Variants in C22orf42 observed in about 807,000 individuals in gnomAD.
C22orf42 encodes uncharacterized protein C22orf42.
A neutral mutation model predicts 31.4 loss-of-function variants in C22orf42; 24 were observed. The ratio of observed to expected loss-of-function variants is 0.77; its 90% CI spans 0.55 to 1.08. C22orf42 has a LOEUF of 1.08. Ranked by LOEUF, C22orf42 falls within the 50% of genes least tolerant of loss-of-function variation. The pLI is 0.00. For missense variants in C22orf42, 276 were observed against 327.3 expected (o/e 0.84, Z 1.21); for synonymous variants, 96 against 112.7 (o/e 0.85, Z 0.94).
intron 4 of C22orf42, 69 bp downstream of exon 4, chr22:32,151,998 G>A (rs985423419): frequency 2.1e-5 from 30 of 1,407,604 alleles, no homozygotes; most frequent in Non-Finnish European, 2.7e-5. Context: ...AATCACTTAC[G>A]TTAAATGAGT....
At chr22:32,150,056 G>A in intron 7 of C22orf42, 1 of 548,032 alleles carries the variant, frequency 1.8e-6, no homozygotes, top group Admixed American at 3.1e-5. Flanking sequence ...GTTTGTAAGT[G>A]ATGCGCTCAT....
At position 32,149,110 on chromosome 22, in the gene C22orf42, T is replaced by C. The variant is rs79257145; in HGVS notation, c.*430A>G. On this transcript the variant is annotated 3_prime_UTR_variant, in exon 9 of 9. Transcript: ENST00000382097. ...ACAGTTTGGTAAGAATTACATGAGA[T>C]AAAATATGTAACTAGCACAGTACTA... 0.047 allele frequency: 7,131 copies of C among 152,512 alleles called. 226 individuals carry two copies. The highest frequency in any genetic ancestry group is 0.071 in the Non-Finnish European group (4,853 of 68,172). The allele number at this position is 152,512 out of a possible 1,614,324, so 9.4% of individuals were successfully genotyped here. A position where few individuals can be genotyped will look rare whatever the true frequency, so the allele number is the denominator to read the frequency against.
Position 32,152,202 on chromosome 22 carries a change from C to T in C22orf42, c.373-108G>A, listed in dbSNP as rs1324410772. The T allele has an allele frequency of 5.2e-6, 7 of 1,355,792 alleles. No individual in the cohort carries two copies. The South Asian group carries it at 9.1e-5, about 18-fold the overall frequency. The allele number at this position is 1,355,792 out of a possible 1,614,324, so 84.0% of individuals were successfully genotyped here. A position where few individuals can be genotyped will look rare whatever the true frequency, so the allele number is the denominator to read the frequency against. ...GTGAAATAAAAAACCGGATGTGAAA[C>T]AGTGATCAAGTCACTGGCCCCCAAA... is the stretch of plus-strand genomic sequence containing the variant. On this transcript the variant is annotated intron_variant, in intron 3 of 8. Coordinates refer to ENST00000382097, the MANE Select transcript of C22orf42 (RefSeq NM_001010859.3).
At position 32,149,752 on chromosome 22, in the gene C22orf42, CA is replaced by C; in HGVS notation, c.682del (p.Cys228AlafsTer19). 1 of 1,431,408 alleles carries C rather than the reference CA, an allele frequency of 7.0e-7. No homozygotes were observed. The highest frequency in any genetic ancestry group is 9.3e-7 in the Non-Finnish European group (1 of 1,079,074). 88.7% of individuals were successfully genotyped at this position (1,431,408 alleles called of 1,614,324 possible). The part of the protein sequence containing the change: ...MAKERYEDYL[C>X]WVKMARSRLN... ...ATATATCTAGATATATATATACTTA[CA>C]GAGGTAATCTTCATATCTCTCCTTT... On this transcript the variant is annotated frameshift_variant and splice_region_variant, in exon 8 of 9. Coordinates refer to ENST00000382097, the MANE Select transcript of C22orf42 (RefSeq NM_001010859.3). LOFTEE classifies it high-confidence loss of function.
chr22:32,152,376 GCCGTCCTTTGA>G lies in C22orf42; in HGVS notation c.372+175_372+185del, dbSNP rs537108338. Among the ~76,000 whole-genome samples, 371 of 152,310 alleles carry G rather than the reference GCCGTCCTTTGA, an allele frequency of 2.4e-3. 1 individual carries two copies. The highest frequency in any genetic ancestry group is 4.6e-3 in the Non-Finnish European group (316 of 68,024). ...CACTACCAAACAGTTTGTAAGTGAT[GCCGTCCTTTGA>G]CGGCCATCGTCAATCAGGCCTCAGT... On this transcript the variant is annotated intron_variant, in intron 3 of 8. Coordinates refer to ENST00000382097, the MANE Select transcript of C22orf42 (RefSeq NM_001010859.3).
Position 32,159,035 on chromosome 22 carries a change from T to C in C22orf42, c.181A>G (p.Met61Val). ...LDLKAKKAQL[M>V]QYLSLPKTPK... is the part of the protein sequence containing the mutation. ...GTCTTCGGGAGGCTGAGGTACTGCA[T>C]GAGTTGGGCCTTCTTAGCTTTCAAA... The change falls in exon 1 of 9, where the codon ATG becomes GTG. Residue 61 changes from methionine (M) to valine (V), a missense_variant. Coordinates refer to ENST00000382097, the MANE Select transcript of C22orf42 (RefSeq NM_001010859.3). 6.2e-7 allele frequency: 1 copy of C among 1,614,172 alleles called. No individual in the cohort carries two copies. Among genetic ancestry groups the C allele is most frequent in the Non-Finnish European group, 8.5e-7 (1 of 1,180,028 alleles).
chr22:32,149,973 G>T (rs8140700), intron 7 of C22orf42, 193 bp from the exon 8 acceptor site: 22,840 of 507,920 alleles, frequency 0.045, 666 homozygotes, highest in Middle Eastern at 0.06. Flanking sequence ...GTAAGTCCAT[G>T]TTGGCTGGCA....
At chr22:32,152,755 G>C (rs1921040518) in intron 2 of C22orf42, 129 bp from the exon 3 acceptor site, 5 of 817,444 alleles carry the variant, frequency 6.1e-6, no homozygotes, top group East Asian at 4.9e-5. Context: ...CTGAGCTGCT[G>C]CTGGACCATT....
intron 1 of C22orf42, among the ~76,000 whole-genome samples, chr22:32,158,427 C>A (rs1206818400): frequency 6.6e-6 from 1 of 152,216 alleles, no homozygotes; most frequent in Non-Finnish European, 1.5e-5. Context: ...ATACCTTTTG[C>A]AGTCATTTGA....
chr22:32,155,868 A>G (rs1031137405), intron 1 of C22orf42, among the ~76,000 whole-genome samples: 1 of 152,074 alleles, frequency 6.6e-6, no homozygotes, highest in Non-Finnish European at 1.5e-5. Context: ...CCTCTTCTTT[A>G]CAAAAAATGT....
At position 32,151,026 on chromosome 22, in the gene C22orf42, T is replaced by G; in HGVS notation, c.466-7A>C. 6.2e-7 allele frequency: 1 copy of G among 1,611,244 alleles called. No homozygotes were observed. Among genetic ancestry groups the G allele is most frequent in the Non-Finnish European group, 8.5e-7 (1 of 1,179,194 alleles). On this transcript the variant is annotated splice_polypyrimidine_tract_variant and splice_region_variant and intron_variant, in intron 5 of 8. Transcript: ENST00000382097. Reference sequence around the variant, plus strand: ...GCTTGGCCTCAGATATTTCCTGCAGTAAGAGAAAAGAAAAAGAAACACCAT... The same window carrying G: ...GCTTGGCCTCAGATATTTCCTGCAGGAAGAGAAAAGAAAAAGAAACACCAT...
Position 32,151,037 on chromosome 22 carries a change from A to G in C22orf42, c.466-18T>C, listed in dbSNP as rs369407189. On this transcript the variant is annotated intron_variant, in intron 5 of 8. Coordinates refer to ENST00000382097, the MANE Select transcript of C22orf42 (RefSeq NM_001010859.3). Reference sequence around the variant, plus strand: ...GATATTTCCTGCAGTAAGAGAAAAGAAAAAGAAACACCATGAGGATCAGAT... The same window carrying G: ...GATATTTCCTGCAGTAAGAGAAAAGGAAAAGAAACACCATGAGGATCAGAT... 1.2e-6 allele frequency: 2 copies of G among 1,610,886 alleles called. No individual in the cohort carries two copies. The highest frequency in any genetic ancestry group is 1.1e-5 in the South Asian group (1 of 90,014).
intron 2 of C22orf42, 80 bp from the exon 3 acceptor site, chr22:32,152,706 G>C: frequency 7.1e-7 from 1 of 1,409,102 alleles, no homozygotes; most frequent in Non-Finnish European, 1.0e-6. Flanking sequence ...TGTGGACCGG[G>C]GCTGGAGTAT....
Position 32,150,976 on chromosome 22 carries a change from A to G in C22orf42, c.493+16T>C. On this transcript the variant is annotated intron_variant, in intron 6 of 8. Transcript: ENST00000382097. ...CAACTACACGTAAATAAAGCTGTTT[A>G]AAAAAAAATACGTACGGTGGTCGTG... The G allele has an allele frequency of 6.5e-7, 1 of 1,529,852 alleles. No homozygotes were observed. The highest frequency in any genetic ancestry group is 1.2e-5 in the South Asian group (1 of 84,326). 94.8% of individuals were successfully genotyped at this position (1,529,852 alleles called of 1,614,324 possible).
chr22:32,156,445 T>C (rs1342558907), intron 1 of C22orf42, among the ~76,000 whole-genome samples: 2 of 142,066 alleles, frequency 1.4e-5, no homozygotes, highest in African/African-American at 5.4e-5. Flanking sequence ...ACAGTTAACA[T>C]CCTTTGGAAA....
At chr22:32,159,543 T>TGGC, upstream of C22orf42, 2 of 1,131,196 alleles carry the variant, frequency 1.8e-6, no homozygotes, top group African/African-American at 3.2e-5. Context: ...GTGCAGGGGT[T>TGGC]GGAGGTTGTT....
Position 32,149,604 on chromosome 22 carries a change from T to C in C22orf42, c.692A>G (p.Lys231Arg). 1 of 1,515,184 alleles carries C rather than the reference T, an allele frequency of 6.6e-7. No individual in the cohort carries two copies. The highest frequency in any genetic ancestry group is 8.9e-7 in the Non-Finnish European group (1 of 1,124,480). The allele number at this position is 1,515,184 out of a possible 1,614,324, so 93.9% of individuals were successfully genotyped here. ...TTCATTGAGCCGAGACCGTGCCATC[T>C]TAACCCAGCCTAGGGGAAAAGAACA... ...ERYEDYLCWV[K>R]MARSRLNEPI... is the part of the protein sequence containing the mutation. The change falls in exon 9 of 9, where the codon AAG becomes AGG. Residue 231 changes from lysine to arginine, a missense_variant. By Grantham distance (26) the Lys-to-Arg change is conservative. Transcript: ENST00000382097.
chr22:32,151,068 T>G, intron 5 of C22orf42, 49 bp from the exon 6 acceptor site: 1 of 1,591,536 alleles, frequency 6.3e-7, no homozygotes, highest in Non-Finnish European at 8.5e-7. Context: ...CAGATCTTGC[T>G]GGGTTCTGTT....
At chr22:32,150,545 G>A in intron 6 of C22orf42, 66 bp from the exon 7 acceptor site, 1 of 1,540,122 alleles carries the variant, frequency 6.5e-7, no homozygotes. Flanking sequence ...AGCCTTGGGG[G>A]ATGTGGACCA....
Sources: gnomAD v4.1 joint callset for allele counts (sites outside exome capture counted in the v4.1 genomes callset) on GRCh38, gnomAD v4.1.1 for gene constraint, MANE v1.5 for transcripts, NCBI Gene and HGNC (gene_info 2026-07-23, HGNC 2026-07-21) for gene names.